The following SENP2 variants were observed in gnomAD, a reference collection of about 807,000 sequenced individuals.
SENP2 encodes the protein sentrin-specific protease 2.
A neutral mutation model predicts 86.3 loss-of-function variants in SENP2; 16 were observed. The observed-to-expected ratio is 0.19, with a 90% CI of 0.13 to 0.28. SENP2 has a LOEUF of 0.28. Among genes scored for constraint, SENP2 ranks in the 10% least tolerant of loss-of-function variants. The pLI is 1.00. For missense variants in SENP2, 552 were observed against 703.0 expected (o/e 0.79, Z 2.43); for synonymous variants, 222 against 238.7 (o/e 0.93, Z 0.64).
At chr3:185,605,830 G>A (rs1722493816) in intron 5 of SENP2, among the ~76,000 whole-genome samples, 1 of 152,124 alleles carries the variant, frequency 6.6e-6, no homozygotes, top group Non-Finnish European at 1.5e-5. Context: ...AGTTCCTTTA[G>A]TGTTTATTAA....
rs762626353 is a variant in SENP2 at position 185,629,995 on chromosome 3, C to G, written c.*151C>G. On this transcript the variant is annotated 3_prime_UTR_variant, in exon 17 of 17. Coordinates refer to ENST00000296257, the MANE Select transcript of SENP2 (RefSeq NM_021627.3). Reference sequence around the variant, plus strand: ...GTGCATGAAGGCCTCTCACTGTACTCTAGTCCTGACTTGGGGTGCAGAGGG... The same window carrying G: ...GTGCATGAAGGCCTCTCACTGTACTGTAGTCCTGACTTGGGGTGCAGAGGG... The G allele has an allele frequency of 1.4e-6, 1 of 699,504 alleles. No individual in the cohort carries two copies. The highest frequency in any genetic ancestry group is 2.5e-6 in the Non-Finnish European group (1 of 404,216). The allele number at this position is 699,504 out of a possible 1,614,324, so 43.3% of individuals were successfully genotyped here.
intron 5 of SENP2, among the ~76,000 whole-genome samples, chr3:185,601,451 C>T (rs1425607629): frequency 1.3e-5 from 2 of 152,104 alleles, no homozygotes; most frequent in African/African-American, 4.8e-5. Flanking sequence ...ATTATGCATA[C>T]AGAAAAGTGC....
chr3:185,600,300 C>G (rs1224438454), intron 4 of SENP2, among the ~76,000 whole-genome samples: 1 of 152,044 alleles, frequency 6.6e-6, no homozygotes, highest in Non-Finnish European at 1.5e-5. Flanking sequence ...CCCAGGTATT[C>G]CTAGGGCAGG....
intron 5 of SENP2, 25 bp from the exon 6 acceptor site, chr3:185,606,305 T>C: frequency 6.4e-7 from 1 of 1,572,298 alleles, no homozygotes; most frequent in Non-Finnish European, 8.6e-7. Context: ...GTGATACTTT[T>C]TTTCTTTTTT....
chr3:185,587,584 T>TTTTTTTTTTTTTTTTTTTA (rs1560186545), intron 1 of SENP2, among the ~76,000 whole-genome samples: 1 of 149,572 alleles, frequency 6.7e-6, no homozygotes, highest in South Asian at 2.2e-4. Flanking sequence ...TTTTTTTTTT[T>TTTTTTTTTTTTTTTTTTTA]GAGAAGGAGT....
At chr3:185,619,274 C>T in intron 12 of SENP2, 25 bp from the exon 13 acceptor site, 1 of 1,542,516 alleles carries the variant, frequency 6.5e-7, no homozygotes, top group Non-Finnish European at 9.0e-7. Context: ...CATGTTCCAG[C>T]TTTTGCTCCC....
Position 185,586,460 on chromosome 3 carries a change from G to T in SENP2, c.47G>T (p.Cys16Phe). 1.2e-6 allele frequency: 2 copies of T among 1,614,026 alleles called. No individual in the cohort carries two copies. The highest frequency in any genetic ancestry group is 1.7e-6 in the Non-Finnish European group (2 of 1,180,008). The part of the protein sequence containing the change: ...VRILGTIFRF[C>F]DRSVPPARAL... ...ATTCTCGGCACCATTTTCCGTTTCTGCGACCGGTCGGTGCCCCCTGCCCGG... is the reference window on the plus strand; with the variant it reads ...ATTCTCGGCACCATTTTCCGTTTCTTCGACCGGTCGGTGCCCCCTGCCCGG... Residue 16 changes from cysteine to phenylalanine, a missense_variant, in exon 1 of 17, where the codon TGC becomes TTC. Transcript: ENST00000296257. This position sits in a 1 kb window ranked among gnomAD's most constrained non-coding sequence, Gnocchi z 4.3.
chr3:185,623,932 T>C (rs1462609262), intron 14 of SENP2, 66 bp from the exon 15 acceptor site: 2 of 889,990 alleles, frequency 2.2e-6, no homozygotes, highest in Non-Finnish European at 3.5e-6. Flanking sequence ...GAAAGCCCTA[T>C]GTAACCATAA....
Position 185,600,777 on chromosome 3 carries a change from C to T in SENP2, c.371C>T (p.Pro124Leu). The change falls in exon 5 of 17, where the codon CCT becomes CTT. Residue 124 changes from proline to leucine, a missense_variant. Physicochemically the swap from Pro to Leu is moderately conservative, Grantham distance 98. This residue lies in a region of SENP2 where 383 missense variants were observed against 427.3 expected (regional missense o/e 0.90). Coordinates refer to ENST00000296257, the MANE Select transcript of SENP2 (RefSeq NM_021627.3). ...NNMLKLGNKS[P>L]NGISDYPKIR... ...ATTTTTTAAATAGGTAATAAATCTC[C>T]TAATGGAATAAGTGACTATCCAAAG... is the stretch of plus-strand genomic sequence containing the variant. 6.3e-7 allele frequency: 1 copy of T among 1,599,782 alleles called. No homozygotes were observed. Among genetic ancestry groups the T allele is most frequent in the Non-Finnish European group, 8.6e-7 (1 of 1,167,976 alleles).
intron 1 of SENP2, among the ~76,000 whole-genome samples, chr3:185,587,241 C>G (rs1381756800): frequency 1.3e-5 from 2 of 151,298 alleles, no homozygotes; most frequent in African/African-American, 4.9e-5. Flanking sequence ...CAAGCGATTC[C>G]CCTGCCTCAG....
intron 6 of SENP2, among the ~76,000 whole-genome samples, chr3:185,608,537 C>G (rs771697449): frequency 6.6e-6 from 1 of 152,292 alleles, no homozygotes; most frequent in Non-Finnish European, 1.5e-5. Context: ...AAGAAAACCT[C>G]TCCTGGAAGC....
intron 5 of SENP2, among the ~76,000 whole-genome samples, chr3:185,605,562 T>C (rs986330056): frequency 3.3e-5 from 5 of 152,202 alleles, no homozygotes; most frequent in African/African-American, 9.6e-5. Context: ...CTCTTTGATC[T>C]ACTTTATTCT....
chr3:185,626,662 A>C (rs984051015), intron 16 of SENP2, among the ~76,000 whole-genome samples: 1 of 151,984 alleles, frequency 6.6e-6, no homozygotes, highest in African/African-American at 2.4e-5. Flanking sequence ...AATCCCAGCT[A>C]CTCAGGAGAC....
rs1712008284 is a variant in SENP2 at position 185,623,828 on chromosome 3, A to AG, written c.1527-170_1527-169insG. Among the ~76,000 whole-genome samples, 3 of 145,068 alleles carry AG rather than the reference A, an allele frequency of 2.1e-5. No homozygotes were observed. In the South Asian group the frequency reaches 6.5e-4, roughly 32 times the overall value. On this transcript the variant is annotated intron_variant, in intron 14 of 16. Transcript: ENST00000296257. ...GGCGACAGAGCGAGACTCTGTCTCA[A>AG]AAAAAAAAAAAAAAAAAAAAAATCC...
intron 14 of SENP2, among the ~76,000 whole-genome samples, chr3:185,622,252 T>C (rs1054267311): frequency 6.6e-6 from 1 of 152,210 alleles, no homozygotes; most frequent in East Asian, 1.9e-4. Flanking sequence ...ATCTTTATGC[T>C]TTCCATGAGA....
At chr3:185,613,205 C>T (rs1191849263) in intron 9 of SENP2, 140 bp from the exon 10 acceptor site, 6 of 590,620 alleles carry the variant, frequency 1.0e-5, no homozygotes, top group South Asian at 4.7e-5. Flanking sequence ...CAGAAAAGTT[C>T]GTTGACTCCT....
chr3:185,612,647 A>G lies in SENP2; in HGVS notation c.858A>G (p.Arg286=). 1 of 1,607,014 alleles carries G rather than the reference A, an allele frequency of 6.2e-7. No individual in the cohort carries two copies. The highest frequency in any genetic ancestry group is 1.1e-5 in the South Asian group (1 of 90,788). The change falls in exon 9 of 17, where the codon AGA becomes AGG. Residue 286 remains arginine (R), a synonymous_variant. Transcript: ENST00000296257. ...CAAGGGGACCTCTATGTTCATTGAG[A>G]AGTGAAAAGAGGTACGTACATTCAG... ...VETRGPLCSL[R]SEKRCSKGKI...
intron 5 of SENP2, among the ~76,000 whole-genome samples, chr3:185,603,083 T>G (rs1384153348): frequency 6.6e-6 from 1 of 151,742 alleles, no homozygotes; most frequent in Non-Finnish European, 1.5e-5. Context: ...CAGCTAATTT[T>G]GTATTTTTGG....
In SENP2 at chr3:185,598,939, G is replaced by A. The variant is rs764892142; in HGVS notation, c.292-19G>A. On this transcript the variant is annotated intron_variant, in intron 3 of 16. Transcript: ENST00000296257. ...GACAAAATTTAGATGCTACAGAAGT[G>A]ATTCTGTTTGATTTTAAGGTATTTT... is the stretch of plus-strand genomic sequence containing the variant. 3 of 1,584,314 alleles carry A rather than the reference G, an allele frequency of 1.9e-6. No homozygotes were observed. Among genetic ancestry groups the A allele is most frequent in the South Asian group, 2.2e-5 (2 of 89,170 alleles).
Sources: allele counts gnomAD v4.1 joint callset (sites outside exome capture counted in the v4.1 genomes callset), GRCh38; gene constraint gnomAD v4.1.1; regional missense constraint gnomAD v4.1.1; non-coding constraint Gnocchi (gnomAD v3.1); transcripts MANE v1.5; gene names NCBI Gene and HGNC (gene_info 2026-07-23, HGNC 2026-07-21).